Variants in RALGAPA1 observed in about 807,000 individuals in gnomAD.
RALGAPA1 encodes Ral GTPase activating protein catalytic subunit alpha 1.
RALGAPA1 carries 52 observed loss-of-function variants against 269.6 expected under a neutral mutation model. The ratio of observed to expected loss-of-function variants is 0.19; its 90% CI spans 0.15 to 0.24. RALGAPA1 has a LOEUF of 0.24. RALGAPA1 is among the 10% of genes least tolerant of loss of function. The probability of loss-of-function intolerance (pLI) is 1.00; values close to 1 mark genes in which losing one functional copy is unlikely to be tolerated. For missense variants in RALGAPA1, 1,917 were observed against 3,013.9 expected (o/e 0.64, Z 8.52); for synonymous variants, 817 against 1,008.3 (o/e 0.81, Z 3.60).
chr14:35,642,939 T>C (rs913800786), intron 31 of RALGAPA1, among the ~76,000 whole-genome samples: 1 of 152,150 alleles, frequency 6.6e-6, no homozygotes, highest in African/African-American at 2.4e-5. Context: ...AACTCAAGTG[T>C]CCATCAATGA....
intron 31 of RALGAPA1, among the ~76,000 whole-genome samples, chr14:35,647,675 A>T (rs1338088651): frequency 6.6e-6 from 1 of 152,210 alleles, no homozygotes; most frequent in East Asian, 1.9e-4. Flanking sequence ...GTTTAAGGGC[A>T]GGTGTGGTGG....
chr14:35,664,377 A>C (rs1246943025), intron 27 of RALGAPA1, among the ~76,000 whole-genome samples: 3 of 152,216 alleles, frequency 2.0e-5, no homozygotes, highest in African/African-American at 2.4e-5. Flanking sequence ...GGGGTATTTC[A>C]ATAAATGTTC....
chr14:35,731,758 G>T (rs1008240850), intron 12 of RALGAPA1, among the ~76,000 whole-genome samples: 2 of 152,128 alleles, frequency 1.3e-5, no homozygotes, highest in Non-Finnish European at 2.9e-5. Context: ...CCAAATCTAA[G>T]AATAATTGGT....
intron 36 of RALGAPA1, among the ~76,000 whole-genome samples, chr14:35,602,430 T>C (rs1480402005): frequency 6.6e-6 from 1 of 152,192 alleles, no homozygotes; most frequent in Non-Finnish European, 1.5e-5. Flanking sequence ...ACATACCTAC[T>C]AGCAGTGTAT....
intron 17 of RALGAPA1, among the ~76,000 whole-genome samples, chr14:35,699,895 CA>C (rs34255458): frequency 0.077 from 5,891 of 76,314 alleles, 354 homozygotes; most frequent in African/African-American, 0.2. Context: ...AATCAAACAG[CA>C]AAAAAAAAAA....
intron 37 of RALGAPA1, among the ~76,000 whole-genome samples, chr14:35,588,504 T>C (rs2058447776): frequency 2.0e-5 from 3 of 152,248 alleles, no homozygotes; most frequent in African/African-American, 7.2e-5. Context: ...TAATCTACTT[T>C]GTTCCACTTT....
chr14:35,559,122 A>AT (rs2055911268), intron 39 of RALGAPA1, among the ~76,000 whole-genome samples: 1 of 152,196 alleles, frequency 6.6e-6, no homozygotes, highest in African/African-American at 2.4e-5. Context: ...AAAAGTTAAG[A>AT]TTTAAATAGG....
chr14:35,710,580 T>C (rs1455683033), intron 16 of RALGAPA1, among the ~76,000 whole-genome samples: 2 of 152,144 alleles, frequency 1.3e-5, no homozygotes, highest in Non-Finnish European at 2.9e-5. Flanking sequence ...CTTTATGTAA[T>C]ACCCCTCTTT....
rs1194922380 is a variant in RALGAPA1 at position 35,645,387 on chromosome 14, GTGTA to G, written c.5676+6414_5676+6417del. Among the ~76,000 whole-genome samples the G allele has an allele frequency of 4.9e-4, 72 of 146,860 alleles. No homozygotes were observed. In the East Asian group the frequency reaches 5.7e-3, roughly 12 times the overall value. ...TGTGTGTGTGTGTGTGTGTGTGTGT[GTGTA>G]TATGTTATGTATTTCCTAGCTGTAT... On this transcript the variant is annotated intron_variant, in intron 31 of 41. Coordinates refer to ENST00000680220, the MANE Select transcript of RALGAPA1 (RefSeq NM_001346249.2).
intron 10 of RALGAPA1, among the ~76,000 whole-genome samples, chr14:35,745,650 G>A (rs909523329): frequency 3.3e-5 from 5 of 150,722 alleles, no homozygotes; most frequent in Non-Finnish European, 7.4e-5. Context: ...TGTAATCCCA[G>A]CTACCCAAGA....
At chr14:35,698,529 T>C (rs2067081620) in intron 17 of RALGAPA1, among the ~76,000 whole-genome samples, 1 of 152,082 alleles carries the variant, frequency 6.6e-6, no homozygotes, top group African/African-American at 2.4e-5. Context: ...TTTTAAGAAT[T>C]AGTGGCCAAG....
intron 1 of RALGAPA1, among the ~76,000 whole-genome samples, chr14:35,779,393 A>G (rs1056462135): frequency 1.3e-5 from 2 of 152,094 alleles, no homozygotes; most frequent in South Asian, 2.1e-4. Context: ...GCATGGTGGC[A>G]TGTGCCTCTA....
chr14:35,745,495 G>A (rs1214289095), intron 10 of RALGAPA1, among the ~76,000 whole-genome samples: 2 of 151,850 alleles, frequency 1.3e-5, no homozygotes, highest in Non-Finnish European at 2.9e-5. Context: ...GCCGGGCACA[G>A]TGGCTCATGC....
chr14:35,605,432 A>T (rs2059539771), intron 36 of RALGAPA1, among the ~76,000 whole-genome samples, 154 bp downstream of exon 36: 1 of 152,188 alleles, frequency 6.6e-6, no homozygotes, highest in Admixed American at 6.5e-5. Flanking sequence ...CTGCTGCTGT[A>T]TGTGCAGACA....
In RALGAPA1 at chr14:35,688,474, C is replaced by G; in HGVS notation, c.3937G>C (p.Gly1313Arg). Reference protein sequence around the residue: ...DLYSHVMGYFGRKAAVNKEDM... With the variant: ...DLYSHVMGYFRRKAAVNKEDM... ...TAGTGCTCACCTGCAGCTTTCCTTC[C>G]AAAATAGCCCATTACATGACTGTAC... Residue 1313 changes from glycine (G) to arginine (R), a missense_variant, in exon 18 of 42, where the codon GGA (glycine) becomes CGA (arginine). Physicochemically the swap from Gly to Arg is moderately radical, Grantham distance 125 (BLOSUM62 -2). This residue lies in a region of RALGAPA1 where 615 missense variants were observed against 790.0 expected (regional missense o/e 0.78). Coordinates refer to ENST00000680220, the MANE Select transcript of RALGAPA1 (RefSeq NM_001346249.2). 1 of 1,536,108 alleles carries G rather than the reference C, an allele frequency of 6.5e-7. No individual in the cohort carries two copies. The highest frequency in any genetic ancestry group is 2.4e-5 in the East Asian group (1 of 40,922).
chr14:35,681,827 T>G (rs1336035689), intron 21 of RALGAPA1, among the ~76,000 whole-genome samples: 2 of 152,192 alleles, frequency 1.3e-5, no homozygotes, highest in African/African-American at 4.8e-5. Context: ...CCTTCCCAAG[T>G]AAGTGGTGAT....
At chr14:35,797,074 G>A (rs1011416126) in intron 1 of RALGAPA1, among the ~76,000 whole-genome samples, 1 of 152,102 alleles carries the variant, frequency 6.6e-6, no homozygotes, top group Non-Finnish European at 1.5e-5. Flanking sequence ...AGAAGCCAAA[G>A]CCAGGCGCAG....
intron 16 of RALGAPA1, among the ~76,000 whole-genome samples, chr14:35,713,626 A>C (rs1231496851): frequency 6.6e-6 from 1 of 152,216 alleles, no homozygotes; most frequent in Non-Finnish European, 1.5e-5. Flanking sequence ...AAAAGGGAAA[A>C]GTGAGAAATT....
At chr14:35,684,318 G>A (rs1222372134) in intron 20 of RALGAPA1, among the ~76,000 whole-genome samples, 1 of 152,176 alleles carries the variant, frequency 6.6e-6, no homozygotes, top group Admixed American at 6.5e-5. Flanking sequence ...GAATAACTAA[G>A]TGGTAATAAT....
Sources: gnomAD v4.1 joint callset for allele counts (sites outside exome capture counted in the v4.1 genomes callset) on GRCh38, gnomAD v4.1.1 for gene constraint, gnomAD v4.1.1 regional missense constraint, MANE v1.5 for transcripts, NCBI Gene and HGNC (gene_info 2026-07-23, HGNC 2026-07-21) for gene names.